PDIA5: variants seen among roughly 807,000 people sequenced by gnomAD.
The protein encoded by PDIA5 is protein disulfide-isomerase A5.
A neutral mutation model predicts 77.6 loss-of-function variants in PDIA5; 58 were observed. The ratio of observed to expected loss-of-function variants is 0.75; its 90% CI spans 0.61 to 0.93. The LOEUF is 0.93. PDIA5 is among the 40% of genes least tolerant of loss of function. The pLI is 0.00. For missense variants in PDIA5, 630 were observed against 647.7 expected, an observed-to-expected ratio of 0.97 and a Z score of 0.30; for synonymous variants, 250 against 252.1, an observed-to-expected ratio of 0.99 and a Z score of 0.08.
intron 7 of PDIA5, among the ~76,000 whole-genome samples, chr3:123,114,848 C>G (rs1055781529): frequency 3.9e-5 from 6 of 152,198 alleles, no homozygotes; most frequent in Non-Finnish European, 8.8e-5. Context: ...CCTGCCAGGA[C>G]TGATGGCAGA....
chr3:123,074,307 T>C (rs1376752962), intron 1 of PDIA5, among the ~76,000 whole-genome samples: 1 of 152,198 alleles, frequency 6.6e-6, no homozygotes, highest in Non-Finnish European at 1.5e-5. Context: ...AGGTAGTAAG[T>C]GCTGGAAAGA....
At chr3:123,073,209 G>A (rs557694916) in intron 1 of PDIA5, among the ~76,000 whole-genome samples, 2 of 152,340 alleles carry the variant, frequency 1.3e-5, no homozygotes, top group South Asian at 4.1e-4. Context: ...GAGGTGAGTA[G>A]GCTAGCCCAG....
chr3:123,130,897 C>T (rs1487552612), intron 11 of PDIA5, among the ~76,000 whole-genome samples: 1 of 152,202 alleles, frequency 6.6e-6, no homozygotes, highest in Non-Finnish European at 1.5e-5. Flanking sequence ...TGAGCATCTT[C>T]CTCCCAGTCA....
At chr3:123,078,908 A>C (rs1034074450) in intron 1 of PDIA5, among the ~76,000 whole-genome samples, 9 of 152,166 alleles carry the variant, frequency 5.9e-5, no homozygotes, top group Non-Finnish European at 8.8e-5. Flanking sequence ...TTGGTCCCTT[A>C]GTTAAGGGGG....
intron 11 of PDIA5, among the ~76,000 whole-genome samples, chr3:123,144,070 A>T (rs774923847): frequency 7.2e-5 from 11 of 152,256 alleles, no homozygotes; most frequent in South Asian, 4.1e-4. Context: ...TAAGAACGAG[A>T]CAGGTTCATG....
chr3:123,111,845 A>G (rs1178712863), intron 7 of PDIA5, among the ~76,000 whole-genome samples: 3 of 152,220 alleles, frequency 2.0e-5, no homozygotes, highest in African/African-American at 7.2e-5. Context: ...GTTGTTTACC[A>G]GATGTAATGC....
intron 10 of PDIA5, among the ~76,000 whole-genome samples, chr3:123,128,993 T>C (rs1021310261): frequency 2.0e-5 from 3 of 152,220 alleles, no homozygotes; most frequent in African/African-American, 7.2e-5. Flanking sequence ...ACATCATTCT[T>C]TGCAGTGCTC....
At chr3:123,114,282 T>TC (rs1934941465) in intron 7 of PDIA5, among the ~76,000 whole-genome samples, 1 of 152,202 alleles carries the variant, frequency 6.6e-6, no homozygotes, top group Non-Finnish European at 1.5e-5. Flanking sequence ...GCTGCAGGTG[T>TC]CCCCCCTTAT....
intron 5 of PDIA5, among the ~76,000 whole-genome samples, chr3:123,103,227 A>ATC (rs1934647314): frequency 6.6e-6 from 1 of 152,228 alleles, no homozygotes; most frequent in Non-Finnish European, 1.5e-5. Context: ...AGATATGGGT[A>ATC]TCATTGAGGA....
chr3:123,136,022 C>A (rs1190516183), intron 11 of PDIA5, among the ~76,000 whole-genome samples: 1 of 151,876 alleles, frequency 6.6e-6, no homozygotes, highest in African/African-American at 2.4e-5. Context: ...CCTCAAACTC[C>A]TGGGCTTAAA....
chr3:123,128,934 A>C (rs183736168), intron 10 of PDIA5, among the ~76,000 whole-genome samples: 2 of 152,330 alleles, frequency 1.3e-5, no homozygotes, highest in Admixed American at 1.3e-4. Context: ...AGCAAATTCT[A>C]GACTGTTCCA....
At chr3:123,111,105 G>C in intron 7 of PDIA5, 101 bp downstream of exon 7, 1 of 829,634 alleles carries the variant, frequency 1.2e-6, no homozygotes, top group Non-Finnish European at 2.0e-6. Context: ...ATTAGCCTGG[G>C]TGCCTGGCTT....
intron 3 of PDIA5, among the ~76,000 whole-genome samples, chr3:123,095,474 G>T (rs1009473706): frequency 6.6e-6 from 1 of 151,828 alleles, no homozygotes; most frequent in Non-Finnish European, 1.5e-5. Flanking sequence ...TGCAGGCTGG[G>T]CACAGTGGCT....
chr3:123,094,430 G>A (rs1328493505), intron 3 of PDIA5, among the ~76,000 whole-genome samples: 1 of 152,198 alleles, frequency 6.6e-6, no homozygotes, highest in East Asian at 1.9e-4. Flanking sequence ...ACTCTAGGCG[G>A]CAGCTGTCAC....
chr3:123,085,647 C>T (rs1356676521), intron 1 of PDIA5, among the ~76,000 whole-genome samples: 1 of 152,152 alleles, frequency 6.6e-6, no homozygotes, highest in Non-Finnish European at 1.5e-5. Flanking sequence ...CTGCACACAC[C>T]GCTGCCTGGG....
chr3:123,121,339 T>C (rs1421055124), intron 8 of PDIA5, among the ~76,000 whole-genome samples: 1 of 152,218 alleles, frequency 6.6e-6, no homozygotes, highest in East Asian at 1.9e-4. Context: ...TCACGCCAGC[T>C]GAGTGGCCCC....
chr3:123,085,095 T>A (rs1469002692), intron 1 of PDIA5, among the ~76,000 whole-genome samples: 17 of 152,338 alleles, frequency 1.1e-4, no homozygotes, highest in Non-Finnish European at 4.4e-5. Context: ...TCGACCCTTC[T>A]GGGCCTCCCA....
At chr3:123,111,110 T>A in intron 7 of PDIA5, 106 bp downstream of exon 7, 1 of 802,964 alleles carries the variant, frequency 1.2e-6, no homozygotes, top group Non-Finnish European at 2.1e-6. Flanking sequence ...CCTGGGTGCC[T>A]GGCTTAGAAC....
At chr3:123,085,242 C>T (rs1409992858) in intron 1 of PDIA5, among the ~76,000 whole-genome samples, 1 of 152,162 alleles carries the variant, frequency 6.6e-6, no homozygotes, top group Non-Finnish European at 1.5e-5. Context: ...TGCGCCAGGC[C>T]TTGTGTGGGG....
Sources: gnomAD v4.1 joint callset for allele counts (sites outside exome capture counted in the v4.1 genomes callset) on GRCh38, gnomAD v4.1.1 for gene constraint, MANE v1.5 for transcripts, NCBI Gene and HGNC (gene_info 2026-07-23, HGNC 2026-07-21) for gene names.